TET1: variants seen among roughly 807,000 people sequenced by gnomAD.
The protein encoded by TET1 is methylcytosine dioxygenase TET1.
A neutral mutation model predicts 148.7 loss-of-function variants in TET1; 13 were observed. That is an observed-to-expected ratio of 0.09 (90% CI 0.06 to 0.14). TET1 has a LOEUF of 0.14. Ranked by LOEUF, TET1 falls within the 10% of genes least tolerant of loss-of-function variation. The pLI is 1.00. For synonymous variants in TET1, 907 were observed against 937.2 expected, an observed-to-expected ratio of 0.97 and a Z score of 0.59; for missense variants, 2,182 against 2,553.8, an observed-to-expected ratio of 0.85 and a Z score of 3.14.
intron 6 of TET1, among the ~76,000 whole-genome samples, chr10:68,661,818 A>AAC (rs562339857): frequency 3.2e-4 from 48 of 150,670 alleles, no homozygotes; most frequent in East Asian, 9.7e-4. Context: ...TTGTTAAAAA[A>AAC]ACACACACAC....
At chr10:68,686,283 G>T in intron 10 of TET1, 73 bp from the exon 11 acceptor site, 1 of 1,300,216 alleles carries the variant, frequency 7.7e-7, no homozygotes. Flanking sequence ...GCAACAACAC[G>T]AAGGTAGGAA....
At chr10:68,603,633 C>A (rs1412208658) in intron 3 of TET1, among the ~76,000 whole-genome samples, 2 of 151,916 alleles carry the variant, frequency 1.3e-5, no homozygotes, top group Non-Finnish European at 2.9e-5. Context: ...TAGCTGGGTG[C>A]GACGGTGTGC....
chr10:68,644,415 A>G (rs1252712201), intron 3 of TET1, among the ~76,000 whole-genome samples: 2 of 152,028 alleles, frequency 1.3e-5, no homozygotes, highest in Non-Finnish European at 2.9e-5. Context: ...CATCTTGCTC[A>G]GGCTGGTCTT....
intron 3 of TET1, among the ~76,000 whole-genome samples, chr10:68,616,370 T>C (rs984345183): frequency 6.6e-6 from 1 of 150,396 alleles, no homozygotes; most frequent in Non-Finnish European, 1.5e-5. Context: ...ACATTCAAGT[T>C]ATGCATTTTC....
At chr10:68,684,773 T>A (rs67989531) in intron 10 of TET1, among the ~76,000 whole-genome samples, 15,938 of 152,204 alleles carry the variant, frequency 0.1, 986 homozygotes, top group South Asian at 0.17. Context: ...TTATTTTTTT[T>A]ATTGGTTTAC....
At chr10:68,650,225 C>A (rs568263975) in intron 4 of TET1, among the ~76,000 whole-genome samples, 1 of 152,104 alleles carries the variant, frequency 6.6e-6, no homozygotes, top group East Asian at 1.9e-4. Context: ...CAAATTGTCA[C>A]GACCAAAAAT....
intron 8 of TET1, chr10:68,673,480 A>G: frequency 2.7e-6 from 1 of 373,634 alleles, no homozygotes; most frequent in South Asian, 2.1e-5. Context: ...CCGGGACACG[A>G]GGCCATGGTG....
At chr10:68,675,596 C>A (rs555299932) in intron 8 of TET1, among the ~76,000 whole-genome samples, 1 of 142,434 alleles carries the variant, frequency 7.0e-6, no homozygotes, top group African/African-American at 2.6e-5. Context: ...GTCTGGGTCT[C>A]GCTCTGTCAT....
In TET1 at chr10:68,574,207, A is replaced by G. The variant is rs2053703180; in HGVS notation, c.1869A>G (p.Lys623=). 2 of 1,613,138 alleles carry G rather than the reference A, an allele frequency of 1.2e-6. No homozygotes were observed. Among genetic ancestry groups the G allele is most frequent in the South Asian group, 2.2e-5 (2 of 91,038 alleles). Residue 623 remains lysine, a synonymous_variant, in exon 2 of 12, where the codon AAA becomes AAG. Transcript: ENST00000373644. The part of the protein sequence containing the change: ...KNSHQICKKR[K]CEELKKKPSV... Reference sequence around the variant, plus strand: ...GCCATCAGATCTGTAAGAAAAGAAAATGTGAGGAGCTGAAAAAGAAACCAT... The same window carrying G: ...GCCATCAGATCTGTAAGAAAAGAAAGTGTGAGGAGCTGAAAAAGAAACCAT...
In TET1 at chr10:68,694,209, A is replaced by C; in HGVS notation, c.*2395A>C. ...AAGTATTTGAAAATATATAGTATCAACTGAAATGTTTCCATTCCGTTGTTG... is the reference window on the plus strand; with the variant it reads ...AAGTATTTGAAAATATATAGTATCACCTGAAATGTTTCCATTCCGTTGTTG... On this transcript the variant is annotated 3_prime_UTR_variant, in exon 12 of 12. Transcript: ENST00000373644. The C allele has an allele frequency of 4.3e-6, 1 of 232,742 alleles. No individual in the cohort carries two copies. Among genetic ancestry groups the C allele is most frequent in the East Asian group, 6.1e-5 (1 of 16,412 alleles). The allele number at this position is 232,742 out of a possible 1,614,324, so 14.4% of individuals were successfully genotyped here. A position where few individuals can be genotyped will look rare whatever the true frequency, so the allele number is the denominator to read the frequency against.
At position 68,599,019 on chromosome 10, in the gene TET1, A is replaced by G. The variant is rs560329873; in HGVS notation, c.1915-1962A>G. On this transcript the variant is annotated intron_variant, in intron 2 of 11. Coordinates refer to ENST00000373644, the MANE Select transcript of TET1 (RefSeq NM_030625.3). ...TTTTTCTTACATGAATTTGTTAAAAATGTGGGTGAGGGGTGGGTGAGTGAG... is the reference window on the plus strand; with the variant it reads ...TTTTTCTTACATGAATTTGTTAAAAGTGTGGGTGAGGGGTGGGTGAGTGAG... Among the ~76,000 whole-genome samples the G allele has an allele frequency of 1.3e-3, 200 of 152,218 alleles. 1 individual carries two copies. The highest frequency in any genetic ancestry group is 0.01 in the Middle Eastern group (3 of 294).
chr10:68,624,619 T>C (rs2054428514), intron 3 of TET1, among the ~76,000 whole-genome samples: 2 of 31,274 alleles, frequency 6.4e-5, no homozygotes, highest in South Asian at 2.1e-3. Flanking sequence ...TTTCTTTCTT[T>C]CTTTCTTTCT....
rs113974350 is a variant in TET1, at chr10:68,694,427, A to G, written c.*2613A>G. On this transcript the variant is annotated 3_prime_UTR_variant, in exon 12 of 12. Coordinates refer to ENST00000373644, the MANE Select transcript of TET1 (RefSeq NM_030625.3). ...GTATGCTGGCTACACTGCTTTTAGA[A>G]TGCTCTTTCTCATGAAGCAAGGAAA... 700 of 232,274 alleles carry G rather than the reference A, an allele frequency of 3.0e-3. 2 individuals carry two copies. The highest frequency in any genetic ancestry group is 0.014 in the African/African-American group (655 of 45,410). 14.4% of individuals were successfully genotyped at this position (232,274 alleles called of 1,614,324 possible).
Position 68,580,313 on chromosome 10 carries a change from A to ATTTTTTTTT in TET1, c.1914+6078_1914+6086dup, listed in dbSNP as rs1163318028. On this transcript the variant is annotated intron_variant, in intron 2 of 11. Transcript: ENST00000373644. ...AACCAATGCATTTTTATTATATTCA[A>ATTTTTTTTT]TTTTTTTTTTTTTTTTTTTTTTTTT... 4.6e-4 allele frequency among the ~76,000 whole-genome samples: 28 copies of ATTTTTTTTT among 60,402 alleles called. 2 individuals carry two copies. Among genetic ancestry groups the ATTTTTTTTT allele is most frequent in the Non-Finnish European group, 5.2e-4 (18 of 34,482 alleles). The allele number at this position is 60,402 out of a possible 152,430, so 39.6% of individuals were successfully genotyped here. A position where few individuals can be genotyped will look rare whatever the true frequency, so the allele number is the denominator to read the frequency against.
intron 6 of TET1, among the ~76,000 whole-genome samples, chr10:68,655,758 A>G (rs12266293): frequency 0.18 from 27,706 of 152,062 alleles, 3,143 homozygotes; most frequent in African/African-American, 0.31. Context: ...GCGAAATTTT[A>G]TTTGTTTTGG....
chr10:68,643,787 T>A (rs1272182963), intron 3 of TET1, among the ~76,000 whole-genome samples: 1 of 151,952 alleles, frequency 6.6e-6, no homozygotes, highest in East Asian at 1.9e-4. Flanking sequence ...CACTCCAGCC[T>A]GGGCAACACA....
Position 68,691,391 on chromosome 10 carries a change from C to T in TET1, c.5988C>T (p.Asp1996=). 2 of 1,614,182 alleles carry T rather than the reference C, an allele frequency of 1.2e-6. No homozygotes were observed. Among genetic ancestry groups the T allele is most frequent in the South Asian group, 2.2e-5 (2 of 91,080 alleles). Reference sequence around the variant, plus strand: ...CCCACATTGATGAGTATTGGTCAGACAGTGAGCACATCTTTTTGGATGCAA... The same window carrying T: ...CCCACATTGATGAGTATTGGTCAGATAGTGAGCACATCTTTTTGGATGCAA... The part of the protein sequence containing the change: ...KLPHIDEYWS[D]SEHIFLDANI... Residue 1996 remains aspartate, a synonymous_variant, in exon 12 of 12, where the codon GAC becomes GAT. Transcript: ENST00000373644. This position sits in a 1 kb window ranked among gnomAD's most constrained non-coding sequence, Gnocchi z 4.4.
At chr10:68,644,597 T>A in intron 3 of TET1, 101 bp from the exon 4 acceptor site, 1 of 1,168,360 alleles carries the variant, frequency 8.6e-7, no homozygotes, top group South Asian at 2.0e-5. Flanking sequence ...TTAGGCTGTA[T>A]CCACAGGGGC....
chr10:68,619,233 G>A (rs1468822502), intron 3 of TET1, among the ~76,000 whole-genome samples: 2 of 151,838 alleles, frequency 1.3e-5, no homozygotes, highest in African/African-American at 2.4e-5. Context: ...CACCCCTTCC[G>A]TTATTCTCTT....
Sources: gnomAD v4.1 joint callset for allele counts (sites outside exome capture counted in the v4.1 genomes callset) on GRCh38, gnomAD v4.1.1 for gene constraint, Gnocchi (gnomAD v3.1) non-coding constraint, MANE v1.5 for transcripts, NCBI Gene and HGNC (gene_info 2026-07-23, HGNC 2026-07-21) for gene names.